Variants in C6 observed in about 807,000 individuals in gnomAD.
The protein encoded by C6 is complement component C6.
A neutral mutation model predicts 112.9 loss-of-function variants in C6; 101 were observed. The ratio of observed to expected loss-of-function variants is 0.89; its 90% confidence interval spans 0.76 to 1.06. The LOEUF is 1.06. C6 is among the 50% of genes least tolerant of loss of function. The pLI is 0.00. For synonymous variants in C6, 431 were observed against 384.1 expected (o/e 1.12, Z -1.43); for missense variants, 1,202 against 1,104.6 (o/e 1.09, Z -1.25).
chr5:41,193,542 C>CAT (rs1196357501), intron 5 of C6, among the ~76,000 whole-genome samples: 3 of 152,032 alleles, frequency 2.0e-5, no homozygotes, highest in Non-Finnish European at 4.4e-5. Flanking sequence ...TGTATTTTCA[C>CAT]ATATATATGT....
In C6 at chr5:41,156,129, T is replaced by C. The variant is rs537579379; in HGVS notation, c.1969-1025A>G. On this transcript the variant is annotated intron_variant, in intron 13 of 17. Coordinates refer to ENST00000337836, the MANE Select transcript of C6 (RefSeq NM_000065.5). ...ACTTTACCACCCTCACCTCCTGCCA[T>C]TTCCTCCCATAAAACCTATGCTCTA... Among the ~76,000 whole-genome samples, 9 of 152,226 alleles carry C rather than the reference T, an allele frequency of 5.9e-5. No individual in the cohort carries two copies. In the East Asian group the frequency reaches 1.7e-3, roughly 30 times the overall value.
At chr5:41,221,091 C>G (rs1739141053) in intron 1 of C6, among the ~76,000 whole-genome samples, 1 of 151,778 alleles carries the variant, frequency 6.6e-6, no homozygotes, top group Non-Finnish European at 1.5e-5. Flanking sequence ...CTACTCCACC[C>G]TGTCCCAGCC....
At chr5:41,188,473 A>G (rs1749956374) in intron 5 of C6, among the ~76,000 whole-genome samples, 1 of 152,070 alleles carries the variant, frequency 6.6e-6, no homozygotes, top group Non-Finnish European at 1.5e-5. Flanking sequence ...AAACCCATAC[A>G]TCTATGGTCA....
At chr5:41,214,423 T>C (rs1752117941), upstream of C6, among the ~76,000 whole-genome samples, 1 of 152,168 alleles carries the variant, frequency 6.6e-6, no homozygotes, top group South Asian at 2.1e-4. Context: ...GGTCACATAG[T>C]TTAATATACA....
intron 4 of C6, among the ~76,000 whole-genome samples, chr5:41,199,042 A>T (rs572574084): frequency 1.3e-5 from 2 of 152,284 alleles, no homozygotes; most frequent in South Asian, 2.1e-4. Context: ...CCCTGACCCC[A>T]GCATTCCTGT....
intron 15 of C6, among the ~76,000 whole-genome samples, chr5:41,151,178 T>C (rs36091790): frequency 0.21 from 31,436 of 150,852 alleles, 3,504 homozygotes; most frequent in South Asian, 0.33. Context: ...TGAAGAGGCA[T>C]GGTGGTCAAT....
At chr5:41,241,668 T>C (rs1337564748) in intron 1 of C6, among the ~76,000 whole-genome samples, 1 of 152,108 alleles carries the variant, frequency 6.6e-6, no homozygotes, top group African/African-American at 2.4e-5. Flanking sequence ...CTATATGGGG[T>C]GACAAAAAAT....
rs765761919 is a variant in C6, at chr5:41,159,075, G to A, written c.1856+7C>T. 11 of 1,613,438 alleles carry A rather than the reference G, an allele frequency of 6.8e-6. No individual in the cohort carries two copies. Among genetic ancestry groups the A allele is most frequent in the Non-Finnish European group, 9.3e-6 (11 of 1,179,578 alleles). ...ATGACCCATTCTTTTCCCTTACCCG[G>A]CCTTACTTGTTTTCCATGATTGAAA... On this transcript the variant is annotated splice_region_variant and intron_variant, in intron 12 of 17. Coordinates refer to ENST00000337836, the MANE Select transcript of C6 (RefSeq NM_000065.5).
At chr5:41,206,261 T>G (rs562506520) in intron 1 of C6, among the ~76,000 whole-genome samples, 1 of 152,260 alleles carries the variant, frequency 6.6e-6, no homozygotes, top group East Asian at 1.9e-4. Context: ...ACCACAAAGA[T>G]GGGGAGAAAC....
intron 1 of C6, among the ~76,000 whole-genome samples, chr5:41,257,413 G>A (rs1448116915): frequency 6.6e-6 from 1 of 151,770 alleles, no homozygotes; most frequent in African/African-American, 2.4e-5. Context: ...TCTTTATCCA[G>A]TACACTGTTA....
chr5:41,222,288 GTAAA>G (rs1467218584), intron 1 of C6, among the ~76,000 whole-genome samples: 3 of 151,842 alleles, frequency 2.0e-5, no homozygotes, highest in African/African-American at 7.2e-5. Flanking sequence ...AATTATATAA[GTAAA>G]TAAATTATAT....
chr5:41,181,325 G>A (rs767464368), intron 7 of C6, 34 bp downstream of exon 7: 1 of 1,578,902 alleles, frequency 6.3e-7, no homozygotes, highest in Admixed American at 1.7e-5. Context: ...TAATTTTCAA[G>A]AAAGAATAAA....
intron 1 of C6, among the ~76,000 whole-genome samples, chr5:41,234,364 G>GTTTTTTTT (rs70988840): frequency 1.3e-4 from 16 of 122,968 alleles, no homozygotes; most frequent in African/African-American, 2.0e-4. Flanking sequence ...TTTGTTTTTT[G>GTTTTTTTT]TTTTTTTTTT....
chr5:41,187,608 G>A (rs936176906), intron 5 of C6, among the ~76,000 whole-genome samples: 1 of 151,938 alleles, frequency 6.6e-6, no homozygotes, highest in Admixed American at 6.6e-5. Context: ...AGTGATGTTA[G>A]AATACTGAAA....
At chr5:41,145,551 T>G (rs1244430243) in intron 17 of C6, among the ~76,000 whole-genome samples, 3 of 152,212 alleles carry the variant, frequency 2.0e-5, no homozygotes, top group Non-Finnish European at 4.4e-5. Context: ...AATAGCTTAT[T>G]TTAGGCAGAC....
intron 5 of C6, among the ~76,000 whole-genome samples, chr5:41,188,329 A>G (rs1218811147): frequency 6.6e-6 from 1 of 152,132 alleles, no homozygotes; most frequent in Non-Finnish European, 1.5e-5. Flanking sequence ...CGTGAGAAAG[A>G]AGGACAAAGT....
In C6 at chr5:41,149,252, T is replaced by C. The variant is rs756368481; in HGVS notation, c.2612A>G (p.Glu871Gly). ...CCATTGGAACTTACCTGAACATTTT[T>C]CCCAGTCATAGCAGGTGTCATAGCC... is the stretch of plus-strand genomic sequence containing the variant. ...SCGYDTCYDW[E>G]KCSASTSKCV... The change falls in exon 17 of 18, where the codon GAA becomes GGA. Residue 871 changes from glutamate to glycine, a missense_variant. By Grantham distance (98) the Glu-to-Gly change is moderately conservative (BLOSUM62 -2). Transcript: ENST00000337836. The C allele has an allele frequency of 1.2e-6, 2 of 1,614,036 alleles. No individual in the cohort carries two copies. Among genetic ancestry groups the C allele is most frequent in the East Asian group, 2.2e-5 (1 of 44,874 alleles).
At chr5:41,191,067 CTTTTTTT>C (rs142519688) in intron 5 of C6, among the ~76,000 whole-genome samples, 1 of 84,754 alleles carries the variant, frequency 1.2e-5, no homozygotes, top group South Asian at 5.1e-4. Flanking sequence ...ATGCCTTTGG[CTTTTTTT>C]TTTTTTTTTT....
chr5:41,195,679 A>G, intron 5 of C6, 113 bp downstream of exon 5: 1 of 1,088,948 alleles, frequency 9.2e-7, no homozygotes, highest in Non-Finnish European at 1.4e-6. Context: ...TAGGGCTGGT[A>G]GGAGTAGTAA....
Sources: gnomAD v4.1 joint callset for allele counts (sites outside exome capture counted in the v4.1 genomes callset) on GRCh38, gnomAD v4.1.1 for gene constraint, MANE v1.5 for transcripts, NCBI Gene and HGNC (gene_info 2026-07-23, HGNC 2026-07-21) for gene names.